The following EML1 variants were observed in gnomAD, a reference collection of about 807,000 sequenced individuals.
EML1 encodes echinoderm microtubule-associated protein-like 1.
In EML1, 27 loss-of-function variants were observed where a neutral mutation model predicts 110.4. The observed-to-expected ratio is 0.24, with a 90% CI of 0.18 to 0.34. EML1 has a LOEUF of 0.34. EML1 is among the 10% of genes least tolerant of loss of function. EML1 has a pLI of 1.00. For synonymous variants in EML1, 344 were observed against 385.8 expected, an observed-to-expected ratio of 0.89 and a Z score of 1.27; for missense variants, 741 against 1,030.9, an observed-to-expected ratio of 0.72 and a Z score of 3.85.
At chr14:99,852,251 C>T (rs1595380598) in intron 2 of EML1, among the ~76,000 whole-genome samples, 1 of 152,210 alleles carries the variant, frequency 6.6e-6, no homozygotes, top group Admixed American at 6.5e-5. Flanking sequence ...AAAGAGAATT[C>T]GTCTTGGCTG....
chr14:99,744,386 C>A (rs2057079228), intron 1 of EML1, among the ~76,000 whole-genome samples: 1 of 152,150 alleles, frequency 6.6e-6, no homozygotes, highest in African/African-American at 2.4e-5. Flanking sequence ...GTTAAATGCA[C>A]CCACCGGGAA....
At chr14:99,934,561 C>T (rs1595506687) in intron 17 of EML1, among the ~76,000 whole-genome samples, 1 of 152,222 alleles carries the variant, frequency 6.6e-6, no homozygotes, top group South Asian at 2.1e-4. Context: ...CGCCTGTGAG[C>T]GCAAGGCCCT....
At chr14:99,867,235 T>C (rs1443604866) in intron 3 of EML1, among the ~76,000 whole-genome samples, 1 of 152,202 alleles carries the variant, frequency 6.6e-6, no homozygotes, top group African/African-American at 2.4e-5. Flanking sequence ...TATTGCTTTT[T>C]AGTATGTTTT....
In EML1 at chr14:99,846,624, T is replaced by G. The variant is rs146722935; in HGVS notation, c.68-4229T>G. Among the ~76,000 whole-genome samples, 3 of 152,226 alleles carry G rather than the reference T, an allele frequency of 2.0e-5. No individual in the cohort carries two copies. In the East Asian group the frequency reaches 5.8e-4, roughly 29 times the overall value. On this transcript the variant is annotated intron_variant, in intron 1 of 21. Transcript: ENST00000262233. The stretch of plus-strand genomic sequence containing the variant: ...TTCTTCAAGGCCAACCCCTGCTTGA[T>G]CCCATTTTTCCAAATACAGCTAATA...
chr14:99,883,374 TA>T (rs2059420347), intron 4 of EML1: 1 of 152,046 alleles, frequency 6.6e-6, no homozygotes, highest in Non-Finnish European at 1.5e-5. Flanking sequence ...CTACAAAAAA[TA>T]CAAAAATTAG....
intron 17 of EML1, among the ~76,000 whole-genome samples, chr14:99,932,457 G>T (rs1355705409): frequency 6.6e-6 from 1 of 151,866 alleles, no homozygotes; most frequent in African/African-American, 2.4e-5. Context: ...AGCCTACATG[G>T]TGAAACCCAT....
At chr14:99,886,423 G>T (rs1283962075) in intron 4 of EML1, among the ~76,000 whole-genome samples, 1 of 151,936 alleles carries the variant, frequency 6.6e-6, no homozygotes, top group Admixed American at 6.6e-5. Flanking sequence ...GGAGGTTGCC[G>T]TGAGCCGAGA....
chr14:99,752,857 G>GT (rs967265936), intron 1 of EML1, among the ~76,000 whole-genome samples: 68 of 151,426 alleles, frequency 4.5e-4, no homozygotes, highest in African/African-American at 1.5e-3. Context: ...TAAACAGCAG[G>GT]TTTTTTTTTA....
intron 1 of EML1, among the ~76,000 whole-genome samples, chr14:99,755,824 G>A (rs1486105573): frequency 6.6e-6 from 1 of 152,280 alleles, no homozygotes; most frequent in South Asian, 2.1e-4. Flanking sequence ...GGAGCTGCAA[G>A]AGGAAGTGTG....
intron 1 of EML1, among the ~76,000 whole-genome samples, chr14:99,752,561 C>T (rs993992758): frequency 6.6e-6 from 1 of 152,186 alleles, no homozygotes; most frequent in African/African-American, 2.4e-5. Flanking sequence ...AAGGCTGTGC[C>T]CAAGGAGCCA....
intron 4 of EML1, among the ~76,000 whole-genome samples, chr14:99,883,872 A>C (rs2059430581): frequency 6.6e-6 from 1 of 152,246 alleles, no homozygotes; most frequent in Non-Finnish European, 1.5e-5. Context: ...AGACCAGGCC[A>C]CCATCTAGAA....
In EML1 at chr14:99,800,435, C is replaced by T. The variant is rs191113488; in HGVS notation, c.67+6892C>T. ...TTGGAGTGCAGTGGTGTGATCATGG[C>T]TCACTGACCTCGAACCCTTGGACTC... On this transcript the variant is annotated intron_variant, in intron 1 of 21. Transcript: ENST00000262233. Among the ~76,000 whole-genome samples, 85 of 152,112 alleles carry T rather than the reference C, an allele frequency of 5.6e-4. 1 individual carries two copies. Among genetic ancestry groups the T allele is most frequent in the African/African-American group, 2.0e-3 (82 of 41,508 alleles).
chr14:99,933,338 G>A (rs991458176), intron 17 of EML1, among the ~76,000 whole-genome samples: 1 of 152,174 alleles, frequency 6.6e-6, no homozygotes, highest in Non-Finnish European at 1.5e-5. Flanking sequence ...ACTGCCTCCA[G>A]CTAATTTTTG....
At chr14:99,743,001 C>G (rs562561189) in intron 1 of EML1, among the ~76,000 whole-genome samples, 1 of 152,184 alleles carries the variant, frequency 6.6e-6, no homozygotes, top group Non-Finnish European at 1.5e-5. Context: ...CGACCTCTCA[C>G]GAGAGGCTGG....
intron 1 of EML1, among the ~76,000 whole-genome samples, chr14:99,763,247 T>G (rs537600609): frequency 2.0e-5 from 3 of 152,302 alleles, no homozygotes; most frequent in African/African-American, 7.2e-5. Flanking sequence ...AATTGCCCAG[T>G]CTCAGGTATG....
At position 99,909,427 on chromosome 14, in the gene EML1, A is replaced by G; in HGVS notation, c.1187A>G (p.Tyr396Cys). ...GTTACTTGTGGAAAATCACATCTCT[A>G]CTTTTGGACACTAGAAGGAAGCTCC... ...IIVTCGKSHL[Y>C]FWTLEGSSLN... Residue 396 changes from tyrosine (Y) to cysteine (C), a missense_variant, in exon 11 of 22, where the codon TAC becomes TGC. Tyr to Cys is a radical substitution (Grantham distance 194). Coordinates refer to ENST00000262233, the MANE Select transcript of EML1 (RefSeq NM_004434.3). 1.2e-6 allele frequency: 2 copies of G among 1,614,166 alleles called. No individual in the cohort carries two copies. The highest frequency in any genetic ancestry group is 1.7e-6 in the Non-Finnish European group (2 of 1,180,040).
intron 17 of EML1, among the ~76,000 whole-genome samples, chr14:99,921,764 A>G (rs985406580): frequency 9.8e-5 from 15 of 152,332 alleles, no homozygotes; most frequent in African/African-American, 3.4e-4. Context: ...TAATTTACAT[A>G]CAATAATGAA....
In EML1 at chr14:99,894,626, TAGA is replaced by T. The variant is rs759168069; in HGVS notation, c.551_553del (p.Glu184del). 7.1e-5 allele frequency: 114 copies of T among 1,609,990 alleles called. No individual in the cohort carries two copies. In the African/African-American group the frequency reaches 1.4e-3, roughly 19 times the overall value. On this transcript the variant is annotated splice_acceptor_variant and coding_sequence_variant, in exon 6 of 22. Transcript: ENST00000262233. LOFTEE classifies it high-confidence loss of function. ...CTTACTGAAATCTTTGTTCTTTTTG[TAGA>T]AGAAGGCTATGTAAAAATGTTTCTT... is the stretch of plus-strand genomic sequence containing the variant.
At chr14:99,741,470 G>A (rs1281818288) in intron 1 of EML1, among the ~76,000 whole-genome samples, 1 of 151,904 alleles carries the variant, frequency 6.6e-6, no homozygotes, top group Admixed American at 6.6e-5. Flanking sequence ...TCCCCAAAAG[G>A]CCCCCAAGTA....
Sources: allele counts gnomAD v4.1 joint callset (sites outside exome capture counted in the v4.1 genomes callset), GRCh38; gene constraint gnomAD v4.1.1; transcripts MANE v1.5; gene names NCBI Gene and HGNC (gene_info 2026-07-23, HGNC 2026-07-21).